Variants in AVPI1 observed in about 807,000 individuals in gnomAD.
The protein encoded by AVPI1 is arginine vasopressin-induced protein 1.
AVPI1 carries 9 observed loss-of-function variants against 11.9 expected under a neutral mutation model. The ratio of observed to expected loss-of-function variants is 0.76; its 90% CI spans 0.46 to 1.32. The LOEUF (loss-of-function observed/expected upper bound fraction) is 1.32. Among genes scored for constraint, AVPI1 ranks in the 40% most tolerant of loss-of-function variants. The pLI, the probability that AVPI1 is intolerant of heterozygous loss-of-function variation, is 0.00. For missense variants in AVPI1, 207 were observed against 195.8 expected (o/e 1.06, Z -0.34); for synonymous variants, 68 against 78.1 (o/e 0.87, Z 0.68).
chr10:97,678,959 G>GACAGGA (rs781737158), intron 2 of AVPI1, among the ~76,000 whole-genome samples: 8,566 of 65,742 alleles, frequency 0.13, 1,846 homozygotes, highest in South Asian at 0.31. Flanking sequence ...GTGTGTGTGT[G>GACAGGA]TGTGTGTGTG....
chr10:97,677,926 G>T lies in AVPI1; in HGVS notation c.387C>A (p.Ile129=), dbSNP rs1171798975. Residue 129 remains isoleucine (I), a synonymous_variant, in exon 3 of 3, where the codon ATC becomes ATA. Coordinates refer to ENST00000370626, the MANE Select transcript of AVPI1 (RefSeq NM_021732.3). ...YLHSRKKSAR[I]RRNWRKSGPT... is the part of the protein sequence containing the mutation. Reference sequence around the variant, plus strand: ...GGCCTGACTTCCTCCAGTTCCGGCGGATCCTGGCACTTTTCTTCCTAGAGT... The same window carrying T: ...GGCCTGACTTCCTCCAGTTCCGGCGTATCCTGGCACTTTTCTTCCTAGAGT... The T allele has an allele frequency of 1.2e-6, 2 of 1,614,160 alleles. No homozygotes were observed. The highest frequency in any genetic ancestry group is 1.3e-5 in the African/African-American group (1 of 75,024).
rs555150283 is a variant in AVPI1 at position 97,683,552 on chromosome 10, T to A, written c.-11+3214A>T. 5.9e-5 allele frequency among the ~76,000 whole-genome samples: 9 copies of A among 152,370 alleles called. No homozygotes were observed. The South Asian group carries it at 1.7e-3, about 28-fold the overall frequency. On this transcript the variant is annotated intron_variant, in intron 1 of 2. Coordinates refer to ENST00000370626, the MANE Select transcript of AVPI1 (RefSeq NM_021732.3). ...TGAAGAATGCTTTCCTATTCCCACC[T>A]AATTCATGAAGGGGAAATCCTACCA...
Position 97,679,703 on chromosome 10 carries a change from G to A in AVPI1, c.203C>T (p.Ala68Val). The A allele has an allele frequency of 6.2e-7, 1 of 1,614,158 alleles. No individual in the cohort carries two copies. Among genetic ancestry groups the A allele is most frequent in the Non-Finnish European group, 8.5e-7 (1 of 1,180,030 alleles). The change falls in exon 2 of 3, where the codon GCT becomes GTT. Residue 68 changes from alanine (A) to valine (V), a missense_variant. Ala to Val is a moderately conservative substitution (Grantham distance 64). Transcript: ENST00000370626. ...IWECAGDHRVAEALKRLRRKR... is the reference protein window; with the variant it reads ...IWECAGDHRVVEALKRLRRKR... The stretch of plus-strand genomic sequence containing the variant: ...CCTGCGCAGCCTCTTGAGGGCCTCA[G>A]CCACACGGTGGTCCCCTGCACATTC...
chr10:97,683,833 A>G (rs1342294605), intron 1 of AVPI1, among the ~76,000 whole-genome samples: 1 of 152,234 alleles, frequency 6.6e-6, no homozygotes, highest in Non-Finnish European at 1.5e-5. Flanking sequence ...ACTGGCTGAA[A>G]AACCTCAGGC....
In AVPI1 at chr10:97,679,604, G is replaced by A. The variant is rs776619820; in HGVS notation, c.287+15C>T. On this transcript the variant is annotated intron_variant, in intron 2 of 2. Coordinates refer to ENST00000370626, the MANE Select transcript of AVPI1 (RefSeq NM_021732.3). The stretch of plus-strand genomic sequence containing the variant: ...TTAGTGCTCTTCCCTCAGCCATCCG[G>A]TTCTAGGAACCTACCTGAGGCGGCT... 17 of 1,601,452 alleles carry A rather than the reference G, an allele frequency of 1.1e-5. No individual in the cohort carries two copies. The South Asian group carries it at 1.8e-4, about 17-fold the overall frequency.
At chr10:97,686,597 A>G (rs769438300) in intron 1 of AVPI1, among the ~76,000 whole-genome samples, 169 bp downstream of exon 1, 1 of 152,180 alleles carries the variant, frequency 6.6e-6, no homozygotes, top group African/African-American at 2.4e-5. Flanking sequence ...TTCCTGCCAG[A>G]TGGCTGAGGA....
rs1340013222 is a variant in AVPI1, at chr10:97,687,200, C to T, written c.-445G>A. The T allele has an allele frequency of 1.3e-5, 2 of 152,438 alleles. No homozygotes were observed. Among genetic ancestry groups the T allele is most frequent in the Non-Finnish European group, 2.9e-5 (2 of 68,202 alleles). 9.4% of individuals were successfully genotyped at this position (152,438 alleles called of 1,614,324 possible). A position where few individuals can be genotyped will look rare whatever the true frequency, so the allele number is the denominator to read the frequency against. ...GCCGCGGTTCCCGGGAGAAAGCGCT[C>T]CCTAGCCCCGGAACAGCCAATCCTC... On this transcript the variant is annotated 5_prime_UTR_variant, in exon 1 of 3. Transcript: ENST00000370626.
Position 97,677,940 on chromosome 10 carries a change from T to G in AVPI1, c.373A>C (p.Lys125Gln), listed in dbSNP as rs376013843. Residue 125 changes from lysine (K) to glutamine (Q), a missense_variant, in exon 3 of 3, where the codon AAA (lysine) becomes CAA (glutamine). By Grantham distance (53) the Lys-to-Gln change is moderately conservative (BLOSUM62 1). Transcript: ENST00000370626. Reference sequence around the variant, plus strand: ...CAGTTCCGGCGGATCCTGGCACTTTTCTTCCTAGAGTGCAGATACTGCTCA... The same window carrying G: ...CAGTTCCGGCGGATCCTGGCACTTTGCTTCCTAGAGTGCAGATACTGCTCA... ...SSEQYLHSRK[K>Q]SARIRRNWRK... 1.9e-5 allele frequency: 30 copies of G among 1,614,180 alleles called. No homozygotes were observed. In the African/African-American group the frequency reaches 3.6e-4, roughly 19 times the overall value.
At chr10:97,680,515 G>A (rs1016979409) in intron 1 of AVPI1, among the ~76,000 whole-genome samples, 1 of 152,146 alleles carries the variant, frequency 6.6e-6, no homozygotes, top group Admixed American at 6.5e-5. Flanking sequence ...GAGGAGTTGT[G>A]GAGCTGGGCT....
At chr10:97,681,538 C>T (rs895493472) in intron 1 of AVPI1, among the ~76,000 whole-genome samples, 9 of 149,162 alleles carry the variant, frequency 6.0e-5, no homozygotes, top group Non-Finnish European at 1.3e-4. Flanking sequence ...GCCGAGATCC[C>T]GCCATTGCAC....
intron 2 of AVPI1, among the ~76,000 whole-genome samples, chr10:97,678,880 G>GGTGTGTGTGT (rs1255604041): frequency 4.4e-5 from 5 of 113,436 alleles, no homozygotes; most frequent in East Asian, 5.6e-4. Flanking sequence ...GCGGGGGGAG[G>GGTGTGTGTGT]GTGTGTGTGT....
chr10:97,683,359 A>C (rs570507530), intron 1 of AVPI1, among the ~76,000 whole-genome samples: 1 of 152,232 alleles, frequency 6.6e-6, no homozygotes, highest in African/African-American at 2.4e-5. Flanking sequence ...GGGTTTCACC[A>C]TGTTGGTCAG....
intron 1 of AVPI1, among the ~76,000 whole-genome samples, chr10:97,681,206 T>C (rs1200733279): frequency 6.6e-6 from 1 of 152,226 alleles, no homozygotes; most frequent in East Asian, 1.9e-4. Flanking sequence ...TAAGGATAAA[T>C]GAGCCCAGTA....
chr10:97,685,050 A>G (rs1395846249), intron 1 of AVPI1, among the ~76,000 whole-genome samples: 1 of 152,264 alleles, frequency 6.6e-6, no homozygotes, highest in Non-Finnish European at 1.5e-5. Context: ...ATACTTGCAC[A>G]ATAGTACTTT....
At chr10:97,678,177 C>CT in intron 2 of AVPI1, 152 bp from the exon 3 acceptor site, 1 of 859,678 alleles carries the variant, frequency 1.2e-6, no homozygotes, top group East Asian at 2.6e-5. Context: ...TGAGAACTGT[C>CT]TGACTAGACA....
chr10:97,681,643 C>T (rs1389261957), intron 1 of AVPI1, among the ~76,000 whole-genome samples: 1 of 151,284 alleles, frequency 6.6e-6, no homozygotes, highest in African/African-American at 2.4e-5. Flanking sequence ...TTTGGGAGGC[C>T]GAGGTGGGTG....
chr10:97,684,656 C>T lies in AVPI1; in HGVS notation c.-11+2110G>A, dbSNP rs145369586. Among the ~76,000 whole-genome samples the T allele has an allele frequency of 9.0e-3, 1,365 of 152,160 alleles. 26 individuals are homozygous for T. Among genetic ancestry groups the T allele is most frequent in the African/African-American group, 0.031 (1,306 of 41,488 alleles). ...GCTGGGATTACAGGTGCCCACCACA[C>T]GCCCGACTAATTTTTGTATTTTTAG... On this transcript the variant is annotated intron_variant, in intron 1 of 2. Transcript: ENST00000370626.
chr10:97,686,574 A>T (rs963611648), intron 1 of AVPI1, among the ~76,000 whole-genome samples, 192 bp downstream of exon 1: 50 of 152,126 alleles, frequency 3.3e-4, no homozygotes, highest in Non-Finnish European at 1.5e-5. Flanking sequence ...CTCTCAAGCC[A>T]CTGTTATTTT....
At chr10:97,678,880 GGTGTGTGTGTGTGTGTGTGT>G (rs1255604041) in intron 2 of AVPI1, among the ~76,000 whole-genome samples, 4 of 113,434 alleles carry the variant, frequency 3.5e-5, no homozygotes, top group Non-Finnish European at 3.6e-5. Flanking sequence ...GCGGGGGGAG[GGTGTGTGTGTGTGTGTGTGT>G]GTGTGTGTGT....
Sources: gnomAD v4.1 joint callset for allele counts (sites outside exome capture counted in the v4.1 genomes callset) on GRCh38, gnomAD v4.1.1 for gene constraint, MANE v1.5 for transcripts, NCBI Gene and HGNC (gene_info 2026-07-23, HGNC 2026-07-21) for gene names.